MCF2L: variants seen among roughly 807,000 people sequenced by gnomAD.
MCF2L encodes MCF.2 cell line derived transforming sequence like.
Under a neutral mutation model 153.4 loss-of-function variants are expected in MCF2L, and 97 were observed. The ratio of observed to expected loss-of-function variants is 0.63; its 90% CI spans 0.54 to 0.75. The LOEUF is 0.75. Ranked by LOEUF, MCF2L falls within the 30% of genes least tolerant of loss-of-function variation. The probability of loss-of-function intolerance (pLI) is 0.00; values close to 1 mark genes in which losing one functional copy is unlikely to be tolerated. For synonymous variants in MCF2L, 659 were observed against 632.2 expected (o/e 1.04, Z -0.64); for missense variants, 1,347 against 1,495.2 (o/e 0.90, Z 1.64).
rs1048310867 is a variant in MCF2L, at chr13:113,098,030, A to C, written c.*1171A>C. On this transcript the variant is annotated 3_prime_UTR_variant, in exon 30 of 30. Transcript: ENST00000535094. ...AACATATTCTGTTCAAAACTTTTGA[A>C]GCCCTTTCGGTGTCTAGTCTGCAGA... 2 of 152,326 alleles carry C rather than the reference A, an allele frequency of 1.3e-5. No individual in the cohort carries two copies. The highest frequency in any genetic ancestry group is 2.9e-5 in the Non-Finnish European group (2 of 68,044). 9.4% of individuals were successfully genotyped at this position (152,326 alleles called of 1,614,324 possible).
chr13:113,033,283 TGTGACATTAGTGGACCCC>T (rs2085879810), intron 3 of MCF2L, among the ~76,000 whole-genome samples: 3 of 17,740 alleles, frequency 1.7e-4, no homozygotes, highest in Admixed American at 6.4e-4. Flanking sequence ...GAGTGGCCCC[TGTGACATTAGTGGACCCC>T]GTGGCGTGAG....
At chr13:113,084,811 C>T (rs2281724) in intron 18 of MCF2L, 81 bp from the exon 19 acceptor site, 190,332 of 1,041,964 alleles carry the variant, frequency 0.18, 21,222 homozygotes, top group East Asian at 0.47. Context: ...TCCCTCACCG[C>T]GTAATGCGGT....
In MCF2L at chr13:113,029,725, AGAGG is replaced by A. The variant is rs2085529868; in HGVS notation, c.278+4973_278+4976del. Among the ~76,000 whole-genome samples, 14 of 152,294 alleles carry A rather than the reference AGAGG, an allele frequency of 9.2e-5. No homozygotes were observed. In the South Asian group the frequency reaches 2.9e-3, roughly 32 times the overall value. ...CCCGGGACATCCCTGGGAGACCAAG[AGAGG>A]GAGGGGAGCTTGGACCTTTTCTTCC... On this transcript the variant is annotated intron_variant, in intron 3 of 29. Transcript: ENST00000535094.
chr13:113,094,689 AG>A (rs1201403515), intron 27 of MCF2L, 54 bp downstream of exon 27: 4 of 1,570,376 alleles, frequency 2.5e-6, no homozygotes, highest in Non-Finnish European at 3.5e-6. Context: ...TCCGGGGATT[AG>A]GGGTGCTTCT....
At chr13:113,014,677 G>T in intron 1 of MCF2L, 86 bp from the exon 2 acceptor site, 4 of 1,149,948 alleles carry the variant, frequency 3.5e-6, no homozygotes, top group South Asian at 2.6e-5. Flanking sequence ...CTGTGGATGT[G>T]CCAGCTCCGT....
chr13:113,078,907 G>A (rs542888807), intron 15 of MCF2L, among the ~76,000 whole-genome samples, 168 bp downstream of exon 15: 2 of 152,322 alleles, frequency 1.3e-5, no homozygotes, highest in East Asian at 1.9e-4. Context: ...GCCGTGGCTC[G>A]AGCGTGTGTC....
Position 112,938,135 on chromosome 13 carries a change from C to T in MCF2L, c.169+35764C>T, listed in dbSNP as rs1373573634. 2.1e-4 allele frequency among the ~76,000 whole-genome samples: 30 copies of T among 141,440 alleles called. 1 individual carries two copies. The highest frequency in any genetic ancestry group is 7.2e-4 in the African/African-American group (27 of 37,572). The allele number at this position is 141,440 out of a possible 152,430, so 92.8% of individuals were successfully genotyped here. On this transcript the variant is annotated intron_variant, in intron 2 of 29. Transcript: ENST00000375608. Reference sequence around the variant, plus strand: ...GCGCTGAGGGGTTGGTTCAGGTGAGCGCTGAGGGGTTGGTTCAGGTGAGCG... The same window carrying T: ...GCGCTGAGGGGTTGGTTCAGGTGAGTGCTGAGGGGTTGGTTCAGGTGAGCG...
chr13:113,041,588 C>G (rs1300135402), intron 3 of MCF2L, among the ~76,000 whole-genome samples: 1 of 151,756 alleles, frequency 6.6e-6, no homozygotes, highest in Non-Finnish European at 1.5e-5. Context: ...GGCCCTGCCC[C>G]CATGACCACA....
At chr13:113,087,504 G>C in intron 22 of MCF2L, 48 bp downstream of exon 22, 1 of 1,464,458 alleles carries the variant, frequency 6.8e-7, no homozygotes, top group Non-Finnish European at 9.3e-7. Context: ...CACAGACCCC[G>C]ACGGGGGAAG....
At chr13:112,933,179 G>A (rs1044832167) in intron 2 of MCF2L, among the ~76,000 whole-genome samples, 1 of 152,230 alleles carries the variant, frequency 6.6e-6, no homozygotes, top group Non-Finnish European at 1.5e-5. Context: ...CGCTGGCCCC[G>A]CAGGGGTTGG....
At chr13:112,985,998 CCT>C (rs1488366086) in intron 1 of MCF2L, among the ~76,000 whole-genome samples, 1 of 147,938 alleles carries the variant, frequency 6.8e-6, no homozygotes, top group Non-Finnish European at 1.5e-5. Flanking sequence ...GGCCACTCTT[CCT>C]CTTCCCGTCC....
intron 2 of MCF2L, among the ~76,000 whole-genome samples, chr13:113,022,412 C>T (rs1270877426): frequency 6.8e-6 from 1 of 146,718 alleles, no homozygotes; most frequent in South Asian, 2.3e-4. Flanking sequence ...GTCCTCATGC[C>T]GTGGCCCATG....
intron 2 of MCF2L, among the ~76,000 whole-genome samples, chr13:112,961,798 C>A (rs2081829873): frequency 6.6e-6 from 1 of 152,232 alleles, no homozygotes; most frequent in South Asian, 2.1e-4. Context: ...CTCGCCCCAG[C>A]CCAGGAGAGG....
chr13:113,051,890 C>T (rs2087357263), intron 4 of MCF2L, among the ~76,000 whole-genome samples: 1 of 151,854 alleles, frequency 6.6e-6, no homozygotes, highest in Admixed American at 6.5e-5. Flanking sequence ...CCCGTTAATC[C>T]GAGAATCCGT....
At chr13:112,968,166 G>A (rs969828718), upstream of MCF2L, among the ~76,000 whole-genome samples, 5 of 129,164 alleles carry the variant, frequency 3.9e-5, no homozygotes, top group South Asian at 2.6e-4. Context: ...TTGCTACATT[G>A]CCCAGGCTCA....
At chr13:112,912,334 T>C (rs926170118) in intron 2 of MCF2L, among the ~76,000 whole-genome samples, 5 of 151,530 alleles carry the variant, frequency 3.3e-5, no homozygotes, top group Non-Finnish European at 7.4e-5. Flanking sequence ...TTTTTTTTTT[T>C]AGATAGAGCC....
Position 113,027,623 on chromosome 13 carries a change from G to C in MCF2L, c.278+2865G>C, listed in dbSNP as rs185384841. The stretch of plus-strand genomic sequence containing the variant: ...GTGCACGGAGGAGGGGCTGGGTCTC[G>C]GGCCGAGCGGCCGAGCTCCCTGAGG... On this transcript the variant is annotated intron_variant, in intron 3 of 29. Transcript: ENST00000535094. This position sits in a 1 kb window ranked among gnomAD's most constrained non-coding sequence, Gnocchi z 4.8. Among the ~76,000 whole-genome samples, 1 of 152,184 alleles carries C rather than the reference G, an allele frequency of 6.6e-6. No individual in the cohort carries two copies. The highest frequency in any genetic ancestry group is 6.5e-5 in the Admixed American group (1 of 15,284).
At position 112,932,651 on chromosome 13, in the gene MCF2L, C is replaced by T. The variant is rs2140628921; in HGVS notation, c.169+30280C>T. On this transcript the variant is annotated intron_variant, in intron 2 of 29. Transcript: ENST00000375608. The surrounding 1 kb of genome is among the most constrained non-coding windows in gnomAD (Gnocchi z 4.6). ...TAAAGCTGTTCTAAACAAAGCTAAA[C>T]AAAGTTACTTAAAAAAGAAGCATCT... 6.6e-6 allele frequency among the ~76,000 whole-genome samples: 1 copy of T among 152,246 alleles called. No homozygotes were observed. Among genetic ancestry groups the T allele is most frequent in the East Asian group, 1.9e-4 (1 of 5,180 alleles).
intron 4 of MCF2L, among the ~76,000 whole-genome samples, chr13:113,048,927 A>T (rs2087016333): frequency 6.6e-6 from 1 of 152,136 alleles, no homozygotes; most frequent in African/African-American, 2.4e-5. Flanking sequence ...AGCAGCCAGG[A>T]GGGTGGCTGA....
Sources: allele counts gnomAD v4.1 joint callset (sites outside exome capture counted in the v4.1 genomes callset), GRCh38; gene constraint gnomAD v4.1.1; non-coding constraint Gnocchi (gnomAD v3.1); transcripts MANE v1.5; gene names NCBI Gene and HGNC (gene_info 2026-07-23, HGNC 2026-07-21).